Variants in BRAF observed in about 807,000 individuals in gnomAD.
BRAF encodes B-Raf proto-oncogene, serine/threonine kinase, also known as serine/threonine-protein kinase B-raf.
In BRAF, 16 loss-of-function variants were observed where a neutral mutation model predicts 104.6. The observed-to-expected ratio is 0.15, with a 90% CI of 0.10 to 0.23. The LOEUF is 0.23. Ranked by LOEUF, BRAF falls within the 10% of genes least tolerant of loss-of-function variation. The pLI is 1.00. For synonymous variants in BRAF, 310 were observed against 341.6 expected (o/e 0.91, Z 1.02); for missense variants, 541 against 937.3 (o/e 0.58, Z 5.52).
chr7:140,799,984 G>A (rs959219575), intron 7 of BRAF: 3 of 399,950 alleles, frequency 7.5e-6, no homozygotes, highest in Non-Finnish European at 1.4e-5. Flanking sequence ...CCAAATGCAA[G>A]TAAATATCTG....
At chr7:140,733,119 C>T (rs896818211) in intron 19 of BRAF, 2 of 151,934 alleles carry the variant, frequency 1.3e-5, no homozygotes, top group Non-Finnish European at 2.9e-5. Context: ...CTTAAGCTAC[C>T]CAAATGAGGG....
intron 4 of BRAF, chr7:140,808,453 AT>A (rs529617801): frequency 0.061 from 16,606 of 273,946 alleles, 2 homozygotes; most frequent in South Asian, 0.1. Context: ...CCCCAAAATA[AT>A]TTTTTTTTTT....
intron 9 of BRAF, among the ~76,000 whole-genome samples, chr7:140,786,089 G>A (rs1801323122): frequency 6.6e-6 from 1 of 152,122 alleles, no homozygotes; most frequent in Non-Finnish European, 1.5e-5. Context: ...AATGCTGGAT[G>A]TATTAGGCAA....
At chr7:140,787,098 G>A (rs932193635) in intron 9 of BRAF, among the ~76,000 whole-genome samples, 3 of 151,868 alleles carry the variant, frequency 2.0e-5, no homozygotes, top group African/African-American at 7.2e-5. Flanking sequence ...TCAGGAGATC[G>A]AGACCATCCT....
At chr7:140,714,365 T>C (rs1284637795), downstream of BRAF, among the ~76,000 whole-genome samples, 2 of 152,164 alleles carry the variant, frequency 1.3e-5, no homozygotes, top group Non-Finnish European at 2.9e-5. Context: ...CACAGATCTG[T>C]ATCTATGTAT....
chr7:140,923,785 A>G (rs1818528678), intron 1 of BRAF, among the ~76,000 whole-genome samples: 1 of 152,210 alleles, frequency 6.6e-6, no homozygotes, highest in African/African-American at 2.4e-5. Flanking sequence ...CAAGAGGACC[A>G]GGGTAAGAGA....
intron 3 of BRAF, among the ~76,000 whole-genome samples, chr7:140,820,934 A>T (rs1489929574): frequency 6.6e-6 from 1 of 152,194 alleles, no homozygotes; most frequent in African/African-American, 2.4e-5. Flanking sequence ...CAAAAAATAA[A>T]ATTAAAAATA....
chr7:140,752,314 C>T (rs1797857137), intron 16 of BRAF, among the ~76,000 whole-genome samples: 1 of 152,138 alleles, frequency 6.6e-6, no homozygotes, highest in Non-Finnish European at 1.5e-5. Context: ...CTATGGACTC[C>T]AGCCACCATG....
downstream of BRAF, among the ~76,000 whole-genome samples, chr7:140,714,814 GT>G (rs372139421): frequency 3.2e-3 from 483 of 152,310 alleles, no homozygotes; most frequent in African/African-American, 0.011. Flanking sequence ...ATGGCACTGG[GT>G]GAGGTGCTAG....
At position 140,834,837 on chromosome 7, in the gene BRAF, G is replaced by A. The variant is rs1464565593; in HGVS notation, c.276C>T (p.Leu92=). ...CCAATAACTGTTGTTCTCTTTGTTG[G>A]AGTGCATCTAGCTTGCTGGTGTATT... ...YEEYTSKLDA[L]QQREQQLLES... The change falls in exon 3 of 20, where the codon CTC becomes CTT. Residue 92 remains leucine (L), a synonymous_variant. Coordinates refer to ENST00000644969, the MANE Select transcript of BRAF (RefSeq NM_001374258.1). The A allele has an allele frequency of 6.2e-7, 1 of 1,614,002 alleles. No homozygotes were observed. The highest frequency in any genetic ancestry group is 1.1e-5 in the South Asian group (1 of 91,084).
In BRAF at chr7:140,794,447, G is replaced by A. The variant is rs730880418; in HGVS notation, c.1001C>T (p.Pro334Leu). 4.3e-6 allele frequency: 7 copies of A among 1,613,812 alleles called. No homozygotes were observed. The highest frequency in any genetic ancestry group is 5.9e-6 in the Non-Finnish European group (7 of 1,179,954). Reference sequence around the variant, plus strand: ...AATTGGAATGGATTTTGAAGGAGACGGACTGGTGAGAATTTGGGGCCTGGA... The same window carrying A: ...AATTGGAATGGATTTTGAAGGAGACAGACTGGTGAGAATTTGGGGCCTGGA... ...DSIGPQILTS[P>L]SPSKSIPIPQ... The change falls in exon 8 of 20, where the codon CCG (proline) becomes CTG (leucine). Residue 334 changes from proline (P) to leucine (L), a missense_variant. Physicochemically the swap from Pro to Leu is moderately conservative, Grantham distance 98. Around this residue, in one of 10 missense-constraint regions of BRAF, gnomAD observed 79 missense variants for 74.6 expected, o/e 1.06. Coordinates refer to ENST00000644969, the MANE Select transcript of BRAF (RefSeq NM_001374258.1).
chr7:140,878,870 T>C (rs2129101179), intron 1 of BRAF, among the ~76,000 whole-genome samples: 1 of 152,250 alleles, frequency 6.6e-6, no homozygotes, highest in Non-Finnish European at 1.5e-5. Context: ...ATAATCATTA[T>C]GTATCCATTT....
intron 1 of BRAF, among the ~76,000 whole-genome samples, chr7:140,877,895 A>T (rs543486643): frequency 6.6e-6 from 1 of 152,302 alleles, no homozygotes; most frequent in Admixed American, 6.5e-5. Flanking sequence ...CTCATAGTTA[A>T]AAACCTTTCT....
chr7:140,777,097 A>C lies in BRAF; in HGVS notation c.1638-9T>G, dbSNP rs758498850. 29 of 1,613,330 alleles carry C rather than the reference A, an allele frequency of 1.8e-5. No homozygotes were observed. The highest frequency in any genetic ancestry group is 2.4e-5 in the Non-Finnish European group (28 of 1,179,408). On this transcript the variant is annotated splice_polypyrimidine_tract_variant and intron_variant, in intron 13 of 19. Coordinates refer to ENST00000644969, the MANE Select transcript of BRAF (RefSeq NM_001374258.1). ...TCACATGTCGTGTTTTCCTGTACAA[A>C]GAAATGTGACAGTAAACATTAAATG...
At chr7:140,836,783 C>A (rs976111844) in intron 2 of BRAF, among the ~76,000 whole-genome samples, 9 of 152,134 alleles carry the variant, frequency 5.9e-5, no homozygotes, top group Non-Finnish European at 1.5e-5. Context: ...CAGACTACAA[C>A]CACACATAAG....
Position 140,850,101 on chromosome 7 carries a change from A to C in BRAF, c.240+10T>G. ...TTCAAAATTACTAGATATGATACTC[A>C]AAAGCTTACCTCCAGATATATTGAT... On this transcript the variant is annotated intron_variant, in intron 2 of 19. Coordinates refer to ENST00000644969, the MANE Select transcript of BRAF (RefSeq NM_001374258.1). The C allele has an allele frequency of 1.3e-6, 2 of 1,580,210 alleles. No homozygotes were observed. The highest frequency in any genetic ancestry group is 1.7e-6 in the Non-Finnish European group (2 of 1,151,692).
chr7:140,732,039 C>T (rs553603242), intron 19 of BRAF: 1 of 147,600 alleles, frequency 6.8e-6, no homozygotes, highest in East Asian at 2.0e-4. Flanking sequence ...GGCGTAGTGG[C>T]GGGCGCCTGT....
intron 1 of BRAF, among the ~76,000 whole-genome samples, chr7:140,903,303 A>G (rs912744932): frequency 2.6e-5 from 4 of 152,196 alleles, no homozygotes; most frequent in Non-Finnish European, 5.9e-5. Context: ...TATCATTCCA[A>G]AAATCCTAGG....
chr7:140,766,094 T>C (rs1480136226), intron 14 of BRAF, among the ~76,000 whole-genome samples: 1 of 151,996 alleles, frequency 6.6e-6, no homozygotes, highest in Non-Finnish European at 1.5e-5. Context: ...ATGTGGCACA[T>C]ATACACCATG....
Sources: gnomAD v4.1 joint callset for allele counts (sites outside exome capture counted in the v4.1 genomes callset) on GRCh38, gnomAD v4.1.1 for gene constraint, gnomAD v4.1.1 regional missense constraint, MANE v1.5 for transcripts, NCBI Gene and HGNC (gene_info 2026-07-23, HGNC 2026-07-21) for gene names.